The following ZCCHC9 variants were observed in gnomAD, a reference collection of about 807,000 sequenced individuals.
ZCCHC9 encodes zinc finger CCHC domain-containing protein 9.
Under a neutral mutation model 30.8 loss-of-function variants are expected in ZCCHC9, and 18 were observed. The observed-to-expected ratio is 0.58, with a 90% CI of 0.40 to 0.87. The LOEUF (loss-of-function observed/expected upper bound fraction) is 0.87. Among genes scored for constraint, ZCCHC9 ranks in the 40% least tolerant of loss-of-function variants. The pLI is 0.00. For synonymous variants in ZCCHC9, 94 were observed against 106.7 expected, an observed-to-expected ratio of 0.88 and a Z score of 0.73; for missense variants, 279 against 331.2, an observed-to-expected ratio of 0.84 and a Z score of 1.22.
intron 2 of ZCCHC9, 180 bp from the exon 3 acceptor site, chr5:81,308,381 C>T (rs894947261): frequency 1.5e-6 from 1 of 667,000 alleles, no homozygotes. Context: ...ATGAAACCCT[C>T]TGATGGAAAG....
chr5:81,311,972 T>C (rs1758303426), intron 5 of ZCCHC9, among the ~76,000 whole-genome samples: 1 of 152,212 alleles, frequency 6.6e-6, no homozygotes, highest in Admixed American at 6.5e-5. Context: ...GTCACAACAC[T>C]ACGCAAATAA....
At chr5:81,312,018 A>T (rs1374525203) in intron 5 of ZCCHC9, among the ~76,000 whole-genome samples, 2 of 152,164 alleles carry the variant, frequency 1.3e-5, no homozygotes, top group Non-Finnish European at 2.9e-5. Flanking sequence ...CTAACATTTA[A>T]ATTTGAAAAC....
In ZCCHC9 at chr5:81,309,010, T is replaced by A; in HGVS notation, c.600T>A (p.Pro200=). 6 of 1,612,778 alleles carry A rather than the reference T, an allele frequency of 3.7e-6. No homozygotes were observed. The highest frequency in any genetic ancestry group is 4.2e-6 in the Non-Finnish European group (5 of 1,179,548). Residue 200 remains proline (P), a synonymous_variant, in exon 4 of 6, where the codon CCT becomes CCA. Transcript: ENST00000407610. The part of the protein sequence containing the change: ...GEMGHLSRSC[P]DNPKGLYADG... ...TGGGGCACCTGTCTAGATCTTGTCC[T>A]GATAATCCCAAAGGACTCTATGCTG...
In ZCCHC9 at chr5:81,311,079, C is replaced by T. The variant is rs1758267720; in HGVS notation, c.629-132C>T. On this transcript the variant is annotated intron_variant, in intron 4 of 5. Coordinates refer to ENST00000407610, the MANE Select transcript of ZCCHC9 (RefSeq NM_001131035.2). Reference sequence around the variant, plus strand: ...AATTAATAGGAATAGTGGCACCTCCCTATGATCCTGGTCTAGCTACCTTTA... The same window carrying T: ...AATTAATAGGAATAGTGGCACCTCCTTATGATCCTGGTCTAGCTACCTTTA... 8.1e-6 allele frequency: 7 copies of T among 862,272 alleles called. No individual in the cohort carries two copies. In the Admixed American group the frequency reaches 1.2e-4, roughly 14 times the overall value. The allele number at this position is 862,272 out of a possible 1,614,324, so 53.4% of individuals were successfully genotyped here.
chr5:81,310,528 T>G (rs1580498660), intron 4 of ZCCHC9, among the ~76,000 whole-genome samples: 1 of 152,222 alleles, frequency 6.6e-6, no homozygotes, highest in East Asian at 1.9e-4. Flanking sequence ...GTCATTTTTC[T>G]AAGTCACTTA....
In ZCCHC9 at chr5:81,311,347, G is replaced by T. The variant is rs565753618; in HGVS notation, c.697+68G>T. 5.2e-5 allele frequency: 77 copies of T among 1,478,294 alleles called. No individual in the cohort carries two copies. In the East Asian group the frequency reaches 1.7e-3, roughly 33 times the overall value. The allele number at this position is 1,478,294 out of a possible 1,614,324, so 91.6% of individuals were successfully genotyped here. Reference sequence around the variant, plus strand: ...TTCCTCTGCGTTTTATTCTGCACTTGTTATTAATAACTCAATTGGGATACT... The same window carrying T: ...TTCCTCTGCGTTTTATTCTGCACTTTTTATTAATAACTCAATTGGGATACT... On this transcript the variant is annotated intron_variant, in intron 5 of 5. Coordinates refer to ENST00000407610, the MANE Select transcript of ZCCHC9 (RefSeq NM_001131035.2).
At chr5:81,303,572 A>T (rs566071591) in intron 1 of ZCCHC9, 5 of 160,436 alleles carry the variant, frequency 3.1e-5, no homozygotes, top group African/African-American at 1.2e-4. Context: ...CAGTAACATG[A>T]ATGGAGCTGT....
chr5:81,308,827 A>G (rs1758174007), intron 3 of ZCCHC9, 116 bp downstream of exon 3: 1 of 1,407,632 alleles, frequency 7.1e-7, no homozygotes, highest in Non-Finnish European at 9.5e-7. Context: ...TGGAAATCAT[A>G]TGAGATTAAA....
At chr5:81,306,609 A>G (rs1758090009) in intron 2 of ZCCHC9, among the ~76,000 whole-genome samples, 1 of 152,220 alleles carries the variant, frequency 6.6e-6, no homozygotes, top group African/African-American at 2.4e-5. Context: ...TATAAATAGT[A>G]TATGGCTTGT....
intron 2 of ZCCHC9, among the ~76,000 whole-genome samples, chr5:81,307,844 A>G (rs554450667): frequency 3.2e-3 from 478 of 151,134 alleles, no homozygotes; most frequent in Non-Finnish European, 4.4e-3. Flanking sequence ...TAAAAGTACA[A>G]AAATTAGCCA....
intron 2 of ZCCHC9, among the ~76,000 whole-genome samples, chr5:81,306,346 A>G (rs1758084159): frequency 1.3e-5 from 2 of 152,254 alleles, no homozygotes; most frequent in Admixed American, 1.3e-4. Flanking sequence ...ATAGTTATTT[A>G]GAGATAATAC....
At chr5:81,306,164 A>G (rs1477796595) in intron 2 of ZCCHC9, among the ~76,000 whole-genome samples, 1 of 152,210 alleles carries the variant, frequency 6.6e-6, no homozygotes, top group Non-Finnish European at 1.5e-5. Context: ...CTCCTAGTAC[A>G]CCACTTCATA....
At chr5:81,307,250 AAAC>A (rs765425886) in intron 2 of ZCCHC9, among the ~76,000 whole-genome samples, 3 of 152,244 alleles carry the variant, frequency 2.0e-5, no homozygotes, top group Non-Finnish European at 4.4e-5. Context: ...AAATTTCTGT[AAAC>A]AACTAACCAT....
rs1580490562 is a variant in ZCCHC9 at position 81,304,794 on chromosome 5, A to G, written c.37A>G (p.Lys13Glu). 1 of 1,609,798 alleles carries G rather than the reference A, an allele frequency of 6.2e-7. No homozygotes were observed. Among genetic ancestry groups the G allele is most frequent in the Non-Finnish European group, 8.5e-7 (1 of 1,178,802 alleles). ...GGCCCGAGTTAGTACCACATATAAC[A>G]AGAGACCCTTGCCTGCAACATCATG... ...RWARVSTTYN[K>E]RPLPATSWED... is the part of the protein sequence containing the mutation. The change falls in exon 2 of 6, where the codon AAG becomes GAG. Residue 13 changes from lysine (K) to glutamate (E), a missense_variant. Coordinates refer to ENST00000407610, the MANE Select transcript of ZCCHC9 (RefSeq NM_001131035.2).
intron 1 of ZCCHC9, chr5:81,304,045 T>C (rs1418478780): frequency 6.6e-6 from 1 of 152,252 alleles, no homozygotes; most frequent in Non-Finnish European, 1.5e-5. Context: ...TTAAAGCATA[T>C]GTATTAAGAG....
intron 5 of ZCCHC9, among the ~76,000 whole-genome samples, chr5:81,311,690 T>G (rs1758293209): frequency 6.6e-6 from 1 of 152,198 alleles, no homozygotes; most frequent in South Asian, 2.1e-4. Context: ...CCTAAAAGAT[T>G]CAGAGTTGAT....
chr5:81,311,138 T>G (rs1758269922), intron 4 of ZCCHC9, 73 bp from the exon 5 acceptor site: 1 of 1,492,016 alleles, frequency 6.7e-7, no homozygotes, highest in Admixed American at 1.7e-5. Context: ...CAGTAAGATG[T>G]GAAAGTGCTT....
At chr5:81,311,385 AC>A in intron 5 of ZCCHC9, 106 bp downstream of exon 5, 1 of 1,172,464 alleles carries the variant, frequency 8.5e-7, no homozygotes, top group Non-Finnish European at 1.3e-6. Context: ...TGATTTTAAG[AC>A]AACCTGTTTT....
rs1003186465 is a variant in ZCCHC9 at position 81,313,139 on chromosome 5, C to T, written c.*477C>T. 2 of 152,080 alleles carry T rather than the reference C, an allele frequency of 1.3e-5. No individual in the cohort carries two copies. Among genetic ancestry groups the T allele is most frequent in the South Asian group, 2.1e-4 (1 of 4,826 alleles). 9.4% of individuals were successfully genotyped at this position (152,080 alleles called of 1,614,324 possible). A position where few individuals can be genotyped will look rare whatever the true frequency, so the allele number is the denominator to read the frequency against. Reference sequence around the variant, plus strand: ...GAATAAAAATATGTTTTCTATTAAGCAATAGAAATATTTTTGTGTATAATT... The same window carrying T: ...GAATAAAAATATGTTTTCTATTAAGTAATAGAAATATTTTTGTGTATAATT... On this transcript the variant is annotated 3_prime_UTR_variant, in exon 6 of 6. Transcript: ENST00000407610.
Sources: allele counts gnomAD v4.1 joint callset (sites outside exome capture counted in the v4.1 genomes callset), GRCh38; gene constraint gnomAD v4.1.1; transcripts MANE v1.5; gene names NCBI Gene and HGNC (gene_info 2026-07-23, HGNC 2026-07-21).